SDCCAG8: variants seen among roughly 807,000 people sequenced by gnomAD.
The protein encoded by SDCCAG8 is SHH signaling and ciliogenesis regulator SDCCAG8.
SDCCAG8 carries 74 observed loss-of-function variants against 101.8 expected under a neutral mutation model. That is an observed-to-expected ratio of 0.73 (90% CI 0.60 to 0.88). The LOEUF is 0.88. SDCCAG8 is among the 40% of genes least tolerant of loss of function. SDCCAG8 has a pLI of 0.00. For missense variants in SDCCAG8, 787 were observed against 822.6 expected, an observed-to-expected ratio of 0.96 and a Z score of 0.53; for synonymous variants, 281 against 292.9, an observed-to-expected ratio of 0.96 and a Z score of 0.41.
intron 12 of SDCCAG8, among the ~76,000 whole-genome samples, chr1:243,368,221 AAAAG>A (rs1047777760): frequency 1.2e-4 from 18 of 151,944 alleles, no homozygotes; most frequent in Non-Finnish European, 1.9e-4. Context: ...CAAAAAAAAA[AAAAG>A]AAGAAGAAGA....
chr1:243,378,681 T>C (rs2077745442), intron 12 of SDCCAG8, 40 bp from the exon 13 acceptor site: 1 of 1,604,636 alleles, frequency 6.2e-7, no homozygotes, highest in Non-Finnish European at 8.5e-7. Flanking sequence ...CAAGTGCATG[T>C]ATTTTATATG....
Position 243,474,701 on chromosome 1 carries a change from T to A in SDCCAG8, c.1986-14313T>A, listed in dbSNP as rs1314829350. On this transcript the variant is annotated intron_variant, in intron 16 of 17. Coordinates refer to ENST00000366541, the MANE Select transcript of SDCCAG8 (RefSeq NM_006642.5). This position sits in a 1 kb window ranked among gnomAD's most constrained non-coding sequence, Gnocchi z 4.7. ...CCTGCAGAGGCACAATTGCCCAGCG[T>A]GGGGTGGAAGGCAGGCTGGGAGCTC... Among the ~76,000 whole-genome samples, 1 of 152,018 alleles carries A rather than the reference T, an allele frequency of 6.6e-6. No homozygotes were observed. The highest frequency in any genetic ancestry group is 1.5e-5 in the Non-Finnish European group (1 of 67,990).
intron 1 of SDCCAG8, among the ~76,000 whole-genome samples, chr1:243,257,587 A>G (rs1248010515): frequency 7.2e-5 from 11 of 152,208 alleles, no homozygotes; most frequent in Admixed American, 7.2e-4. Context: ...ACTTAAAGCA[A>G]AGTGAAGGTT....
rs35028868 is a variant in SDCCAG8, at chr1:243,281,650, C to CTTT, written c.421-4606_421-4604dup. 2.4e-4 allele frequency among the ~76,000 whole-genome samples: 27 copies of CTTT among 113,746 alleles called. 1 individual carries two copies. The highest frequency in any genetic ancestry group is 4.0e-4 in the Non-Finnish European group (23 of 57,450). 74.6% of individuals were successfully genotyped at this position (113,746 alleles called of 152,430 possible). A position where few individuals can be genotyped will look rare whatever the true frequency, so the allele number is the denominator to read the frequency against. On this transcript the variant is annotated intron_variant, in intron 4 of 17. Coordinates refer to ENST00000366541, the MANE Select transcript of SDCCAG8 (RefSeq NM_006642.5). Reference sequence around the variant, plus strand: ...TTCACTCTTTTTCTGCCTTCTCTGGCTTTTTTTTTTTTTTTTTTAGAGATA... The same window carrying CTTT: ...TTCACTCTTTTTCTGCCTTCTCTGGCTTTTTTTTTTTTTTTTTTTTTAGAGATA...
At chr1:243,489,989 C>T (rs997961107) in intron 17 of SDCCAG8, among the ~76,000 whole-genome samples, 1 of 152,202 alleles carries the variant, frequency 6.6e-6, no homozygotes, top group Non-Finnish European at 1.5e-5. Context: ...ATGAGGTGGT[C>T]CGTGGGCTGA....
intron 16 of SDCCAG8, among the ~76,000 whole-genome samples, chr1:243,482,611 G>A (rs769017406): frequency 2.1e-4 from 32 of 152,298 alleles, no homozygotes; most frequent in Non-Finnish European, 3.8e-4. Context: ...GATTAGGACG[G>A]CCGCACCAGC....
chr1:243,346,514 A>G (rs1216975194), intron 12 of SDCCAG8, among the ~76,000 whole-genome samples: 5 of 152,210 alleles, frequency 3.3e-5, no homozygotes, highest in African/African-American at 1.2e-4. Context: ...TGAGATTGGA[A>G]TGTGTGAGAA....
intron 16 of SDCCAG8, among the ~76,000 whole-genome samples, chr1:243,470,581 G>A (rs1022845307): frequency 1.3e-5 from 2 of 151,520 alleles, no homozygotes; most frequent in Admixed American, 6.6e-5. Flanking sequence ...GGATTTCAAC[G>A]GTGTCAACAA....
In SDCCAG8 at chr1:243,426,487, A is replaced by G. The variant is rs756352013; in HGVS notation, c.1914A>G (p.Leu638=). The G allele has an allele frequency of 1.5e-5, 24 of 1,613,862 alleles. No individual in the cohort carries two copies. Among genetic ancestry groups the G allele is most frequent in the Admixed American group, 1.0e-4 (6 of 60,006 alleles). The part of the protein sequence containing the change: ...KRYTYDKLGK[L]QRRNEELEEQ... ...ATACATATGATAAATTGGGAAAGTTACAGAGAAGAAATGAAGAATTGGAGG... is the reference window on the plus strand; with the variant it reads ...ATACATATGATAAATTGGGAAAGTTGCAGAGAAGAAATGAAGAATTGGAGG... Residue 638 remains leucine (L), a synonymous_variant, in exon 16 of 18, where the codon TTA becomes TTG. Transcript: ENST00000366541.
intron 2 of SDCCAG8, among the ~76,000 whole-genome samples, chr1:243,270,657 G>C (rs2068007551): frequency 6.6e-6 from 1 of 151,938 alleles, no homozygotes; most frequent in African/African-American, 2.4e-5. Context: ...ACTCCTTCCT[G>C]TTTATCCTTG....
At chr1:243,418,136 C>T (rs970626488) in intron 15 of SDCCAG8, 60 bp downstream of exon 15, 15 of 1,178,770 alleles carry the variant, frequency 1.3e-5, no homozygotes, top group Non-Finnish European at 1.9e-5. Flanking sequence ...CTAATTTTTC[C>T]TTAAAAAACA....
chr1:243,367,506 C>T (rs1345342606), intron 12 of SDCCAG8, among the ~76,000 whole-genome samples: 2 of 151,688 alleles, frequency 1.3e-5, no homozygotes, highest in African/African-American at 2.4e-5. Flanking sequence ...AAACACAGGT[C>T]AAAGGTACCT....
chr1:243,494,907 AC>A (rs1277829770), intron 17 of SDCCAG8, among the ~76,000 whole-genome samples: 1 of 152,198 alleles, frequency 6.6e-6, no homozygotes, highest in African/African-American at 2.4e-5. Flanking sequence ...TCACATTACA[AC>A]CCCAAATGTC....
intron 17 of SDCCAG8, among the ~76,000 whole-genome samples, chr1:243,499,426 A>C (rs1375176795): frequency 6.6e-6 from 1 of 152,228 alleles, no homozygotes; most frequent in East Asian, 1.9e-4. Context: ...TTATGGCACA[A>C]ATCAATGTGT....
chr1:243,312,935 AG>A (rs1276976357), intron 8 of SDCCAG8, among the ~76,000 whole-genome samples: 4 of 152,206 alleles, frequency 2.6e-5, no homozygotes, highest in African/African-American at 9.7e-5. Flanking sequence ...TTATGCCATA[AG>A]GGAGGTAAGA....
rs187006040 is a variant in SDCCAG8, at chr1:243,303,212, G to A, written c.676-1501G>A. Reference sequence around the variant, plus strand: ...AGAAGACATAGAAGAATCAGTGCCAGGAAACAAATTGACATGAGATAATCT... The same window carrying A: ...AGAAGACATAGAAGAATCAGTGCCAAGAAACAAATTGACATGAGATAATCT... On this transcript the variant is annotated intron_variant, in intron 6 of 17. Coordinates refer to ENST00000366541, the MANE Select transcript of SDCCAG8 (RefSeq NM_006642.5). 1.1e-4 allele frequency among the ~76,000 whole-genome samples: 17 copies of A among 152,264 alleles called. 1 individual carries two copies. The highest frequency in any genetic ancestry group is 4.1e-4 in the African/African-American group (17 of 41,556).
intron 12 of SDCCAG8, among the ~76,000 whole-genome samples, chr1:243,348,599 G>C (rs80076701): frequency 0.12 from 18,058 of 151,974 alleles, 1,200 homozygotes; most frequent in African/African-American, 0.17. Flanking sequence ...TGAGAACTGC[G>C]TAGGGCTGCA....
chr1:243,322,402 A>G (rs569078998), intron 9 of SDCCAG8, among the ~76,000 whole-genome samples: 2 of 152,326 alleles, frequency 1.3e-5, no homozygotes, highest in East Asian at 3.9e-4. Context: ...TCTACTATGT[A>G]CTCAACAAAA....
chr1:243,436,906 G>A lies in SDCCAG8; in HGVS notation c.1985+10348G>A, dbSNP rs546633619. Among the ~76,000 whole-genome samples the A allele has an allele frequency of 7.6e-4, 116 of 152,238 alleles. 1 individual carries two copies. The highest frequency in any genetic ancestry group is 2.7e-3 in the African/African-American group (112 of 41,540). On this transcript the variant is annotated intron_variant, in intron 16 of 17. Transcript: ENST00000366541. ...CTGTGGAAAGGTCTTTTCGCAAAAA[G>A]ACAGAATAGGTAAATTTCTGTTCTT...
Sources: gnomAD v4.1 joint callset for allele counts (sites outside exome capture counted in the v4.1 genomes callset) on GRCh38, gnomAD v4.1.1 for gene constraint, Gnocchi (gnomAD v3.1) non-coding constraint, MANE v1.5 for transcripts, NCBI Gene and HGNC (gene_info 2026-07-23, HGNC 2026-07-21) for gene names.